SOX5: variants seen among roughly 807,000 people sequenced by gnomAD.
SOX5 encodes SRY-box transcription factor 5.
Under a neutral mutation model 92.0 loss-of-function variants are expected in SOX5, and 9 were observed. The ratio of observed to expected loss-of-function variants is 0.10; its 90% CI spans 0.06 to 0.17. SOX5 has a LOEUF of 0.17. Ranked by LOEUF, SOX5 falls within the 10% of genes least tolerant of loss-of-function variation. The probability of loss-of-function intolerance (pLI) is 1.00; values close to 1 mark genes in which losing one functional copy is unlikely to be tolerated. For missense variants in SOX5, 642 were observed against 944.5 expected, an observed-to-expected ratio of 0.68 and a Z score of 4.20; for synonymous variants, 344 against 336.3, an observed-to-expected ratio of 1.02 and a Z score of -0.25.
intron 4 of SOX5, among the ~76,000 whole-genome samples, chr12:24,204,132 G>T (rs544053708): frequency 3.8e-4 from 58 of 151,848 alleles, no homozygotes; most frequent in African/African-American, 1.3e-3. Context: ...TCCTATTCTT[G>T]GTTCCAATTA....
At chr12:23,546,553 C>T (rs565623858) in intron 11 of SOX5, 129 bp from the exon 12 acceptor site, 28 of 604,126 alleles carry the variant, frequency 4.6e-5, no homozygotes, top group African/African-American at 1.3e-4. Flanking sequence ...CACCTTTTTA[C>T]GTTCAGCACA....
In SOX5 at chr12:23,756,085, G is replaced by A. The variant is rs73073900; in HGVS notation, c.482-361C>T. 2.3e-3 allele frequency among the ~76,000 whole-genome samples: 348 copies of A among 151,720 alleles called. 3 individuals carry two copies. Among genetic ancestry groups the A allele is most frequent in the Non-Finnish European group, 2.8e-3 (193 of 67,804 alleles). On this transcript the variant is annotated intron_variant, in intron 3 of 14. Coordinates refer to ENST00000451604, the MANE Select transcript of SOX5 (RefSeq NM_006940.6). ...AAAAATAATTATGTTGATAAAATGC[G>A]GAGTAAAAAAAGGCAAAGAATTAGC...
chr12:24,149,511 C>T (rs1269362428), intron 4 of SOX5, among the ~76,000 whole-genome samples: 1 of 152,052 alleles, frequency 6.6e-6, no homozygotes, highest in African/African-American at 2.4e-5. Context: ...TAAACCTATC[C>T]ATTAGAATGA....
chr12:23,698,638 TA>T (rs1403449882), intron 6 of SOX5, among the ~76,000 whole-genome samples: 2 of 152,198 alleles, frequency 1.3e-5, no homozygotes, highest in African/African-American at 4.8e-5. Context: ...CACTTTTGAT[TA>T]TTTTTTCTTC....
chr12:23,968,377 C>T (rs1947830912), intron 4 of SOX5, among the ~76,000 whole-genome samples: 3 of 152,150 alleles, frequency 2.0e-5, no homozygotes, highest in Admixed American at 1.3e-4. Context: ...TGAATATGTC[C>T]CCCAAAGTTC....
intron 4 of SOX5, among the ~76,000 whole-genome samples, chr12:23,977,117 A>G (rs867593440): frequency 6.6e-6 from 1 of 152,200 alleles, no homozygotes; most frequent in South Asian, 2.1e-4. Flanking sequence ...AGAGACAATA[A>G]TAAGACTGCA....
intron 4 of SOX5, among the ~76,000 whole-genome samples, chr12:23,979,289 T>C (rs1377605479): frequency 6.6e-6 from 1 of 152,182 alleles, no homozygotes; most frequent in African/African-American, 2.4e-5. Context: ...AATGGTGCGA[T>C]CTCAGCTCAC....
At chr12:23,949,908 C>G (rs920017725), upstream of SOX5, among the ~76,000 whole-genome samples, 3 of 151,522 alleles carry the variant, frequency 2.0e-5, no homozygotes, top group South Asian at 4.2e-4. Flanking sequence ...CGGAGCCACA[C>G]GCTCCGGCTG....
At chr12:24,406,850 A>T (rs1202806307) in intron 1 of SOX5, among the ~76,000 whole-genome samples, 2 of 152,204 alleles carry the variant, frequency 1.3e-5, no homozygotes, top group Non-Finnish European at 2.9e-5. Flanking sequence ...ACAGAAGGAG[A>T]TGAAAAATAA....
chr12:24,289,147 G>T (rs1199132016), intron 2 of SOX5, among the ~76,000 whole-genome samples: 2 of 152,048 alleles, frequency 1.3e-5, no homozygotes, highest in Admixed American at 6.6e-5. Context: ...CAGTCATGGC[G>T]GCTTGCATCT....
chr12:23,676,469 T>C (rs767730570), intron 6 of SOX5, among the ~76,000 whole-genome samples: 1 of 152,182 alleles, frequency 6.6e-6, no homozygotes, highest in Non-Finnish European at 1.5e-5. Context: ...ATGAAGACTA[T>C]CCAAACTCTT....
intron 2 of SOX5, among the ~76,000 whole-genome samples, chr12:24,353,026 C>G (rs993846907): frequency 6.6e-6 from 1 of 152,158 alleles, no homozygotes; most frequent in Non-Finnish European, 1.5e-5. Flanking sequence ...CCAGAAAGAG[C>G]CTTGTAATGC....
intron 1 of SOX5, among the ~76,000 whole-genome samples, chr12:24,488,439 G>T (rs1263020481): frequency 6.6e-6 from 1 of 152,080 alleles, no homozygotes; most frequent in East Asian, 1.9e-4. Flanking sequence ...AAATAAATTA[G>T]CTGGGTGTGG....
At chr12:23,923,915 A>G (rs1250888651) in intron 1 of SOX5, among the ~76,000 whole-genome samples, 1 of 152,208 alleles carries the variant, frequency 6.6e-6, no homozygotes, top group Non-Finnish European at 1.5e-5. Context: ...TCAGAGTTTG[A>G]ATTTATCTTT....
At chr12:24,503,412 T>G (rs1948417435) in intron 1 of SOX5, among the ~76,000 whole-genome samples, 1 of 152,166 alleles carries the variant, frequency 6.6e-6, no homozygotes, top group South Asian at 2.1e-4. Context: ...AAAGCATAGC[T>G]TAAAAGGATA....
Position 24,140,003 on chromosome 12 carries a change from G to T in SOX5, c.-2+73340C>A, listed in dbSNP as rs570981743. On this transcript the variant is annotated intron_variant, in intron 4 of 4. Transcript: ENST00000446891. ...GGTGGTACAGATTCCACTTATCAGG[G>T]TTTGTTTGTTTGTTTGTTTTTCCTA... Among the ~76,000 whole-genome samples, 9 of 152,096 alleles carry T rather than the reference G, an allele frequency of 5.9e-5. No individual in the cohort carries two copies. The South Asian group carries it at 1.5e-3, about 25-fold the overall frequency.
intron 2 of SOX5, among the ~76,000 whole-genome samples, chr12:24,334,775 T>C (rs1289025364): frequency 6.6e-6 from 1 of 152,170 alleles, no homozygotes; most frequent in African/African-American, 2.4e-5. Flanking sequence ...GTACATCACA[T>C]ATACTGGAAT....
At chr12:24,132,560 A>G (rs1455469508) in intron 4 of SOX5, among the ~76,000 whole-genome samples, 1 of 152,160 alleles carries the variant, frequency 6.6e-6, no homozygotes, top group African/African-American at 2.4e-5. Flanking sequence ...GAAGGAGGAA[A>G]CCATTAGAAA....
At chr12:24,134,761 A>C (rs1949964759) in intron 4 of SOX5, among the ~76,000 whole-genome samples, 1 of 152,184 alleles carries the variant, frequency 6.6e-6, no homozygotes, top group African/African-American at 2.4e-5. Context: ...AAGCTGCCCA[A>C]AGGAAAAGTA....
Sources: gnomAD v4.1 joint callset for allele counts (sites outside exome capture counted in the v4.1 genomes callset) on GRCh38, gnomAD v4.1.1 for gene constraint, MANE v1.5 for transcripts, NCBI Gene and HGNC (gene_info 2026-07-23, HGNC 2026-07-21) for gene names.